Variants in PTPN12 observed in about 807,000 individuals in gnomAD.
PTPN12 encodes tyrosine-protein phosphatase non-receptor type 12.
In PTPN12, 29 loss-of-function variants were observed where a neutral mutation model predicts 97.6. The observed-to-expected ratio is 0.30, with a 90% CI of 0.22 to 0.41. The LOEUF is 0.41. PTPN12 is among the 10% of genes least tolerant of loss of function. The pLI is 1.00. For synonymous variants in PTPN12, 327 were observed against 300.4 expected (o/e 1.09, Z -0.91); for missense variants, 819 against 926.0 (o/e 0.88, Z 1.50).
At position 77,595,932 on chromosome 7, in the gene PTPN12, C is replaced by G. The variant is rs144577184; in HGVS notation, c.493-1910C>G. On this transcript the variant is annotated intron_variant, in intron 6 of 17. Coordinates refer to ENST00000248594, the MANE Select transcript of PTPN12 (RefSeq NM_002835.4). ...GAGACCTTTAAAGTGGTTATGTTAT[C>G]AACAACCACAATAATAATAATAATT... Among the ~76,000 whole-genome samples the G allele has an allele frequency of 1.7e-3, 259 of 152,240 alleles. 1 individual carries two copies. Among genetic ancestry groups the G allele is most frequent in the African/African-American group, 5.6e-3 (232 of 41,552 alleles).
At chr7:77,595,352 G>T (rs1451117934) in intron 6 of PTPN12, among the ~76,000 whole-genome samples, 1 of 152,186 alleles carries the variant, frequency 6.6e-6, no homozygotes, top group African/African-American at 2.4e-5. Context: ...CTACTTGGCA[G>T]TCAGAGTTTG....
At chr7:77,541,154 G>C (rs1241044945) in intron 1 of PTPN12, among the ~76,000 whole-genome samples, 1 of 152,156 alleles carries the variant, frequency 6.6e-6, no homozygotes, top group Non-Finnish European at 1.5e-5. Flanking sequence ...GCATGGTTGC[G>C]ATCCTGGCTC....
chr7:77,636,018 G>A (rs1789577559), intron 15 of PTPN12, among the ~76,000 whole-genome samples, 169 bp downstream of exon 15: 1 of 152,092 alleles, frequency 6.6e-6, no homozygotes, highest in African/African-American at 2.4e-5. Context: ...CATATAAAAG[G>A]TAGGTTCTGA....
At chr7:77,594,442 G>A (rs1300150002) in intron 6 of PTPN12, among the ~76,000 whole-genome samples, 1 of 152,114 alleles carries the variant, frequency 6.6e-6, no homozygotes, top group Non-Finnish European at 1.5e-5. Context: ...TAGATTCCTC[G>A]ACAGTGTAGA....
intron 8 of PTPN12, among the ~76,000 whole-genome samples, chr7:77,604,406 G>C (rs1367044164): frequency 6.6e-6 from 1 of 151,034 alleles, no homozygotes; most frequent in African/African-American, 2.4e-5. Context: ...GTAGAGTTGG[G>C]GATTCTCCAT....
chr7:77,567,408 C>G (rs1257579337), intron 1 of PTPN12, among the ~76,000 whole-genome samples: 1 of 152,116 alleles, frequency 6.6e-6, no homozygotes, highest in South Asian at 2.1e-4. Flanking sequence ...ATCAGAAACT[C>G]TGTAGGAGCT....
intron 6 of PTPN12, among the ~76,000 whole-genome samples, chr7:77,593,007 T>G (rs1787914516): frequency 6.6e-6 from 1 of 152,152 alleles, no homozygotes; most frequent in South Asian, 2.1e-4. Context: ...CAGTAGCTCA[T>G]GCCTGTATCC....
At chr7:77,594,793 C>T (rs771559996) in intron 6 of PTPN12, among the ~76,000 whole-genome samples, 6 of 152,120 alleles carry the variant, frequency 3.9e-5, no homozygotes, top group Admixed American at 6.6e-5. Flanking sequence ...CCACCACACC[C>T]GGCCAAACAT....
chr7:77,587,129 A>C (rs1338968621), intron 5 of PTPN12, among the ~76,000 whole-genome samples: 1 of 152,088 alleles, frequency 6.6e-6, no homozygotes, highest in Non-Finnish European at 1.5e-5. Flanking sequence ...TGCATCTAGA[A>C]TGCTGAATCC....
chr7:77,625,660 C>T (rs1166577310), intron 12 of PTPN12, among the ~76,000 whole-genome samples: 2 of 147,432 alleles, frequency 1.4e-5, no homozygotes, highest in Non-Finnish European at 3.0e-5. Context: ...ATCTCCACCT[C>T]CTGGGCTCAA....
At chr7:77,625,655 C>T (rs1789152523) in intron 12 of PTPN12, among the ~76,000 whole-genome samples, 1 of 141,898 alleles carries the variant, frequency 7.0e-6, no homozygotes, top group African/African-American at 2.6e-5. Context: ...CTGCCATCTC[C>T]ACCTCCTGGG....
At chr7:77,615,334 A>G (rs1381712426) in intron 11 of PTPN12, among the ~76,000 whole-genome samples, 1 of 152,108 alleles carries the variant, frequency 6.6e-6, no homozygotes. Flanking sequence ...TCTGCAGCTG[A>G]TAATATTCTT....
At chr7:77,569,552 C>T (rs1311795538) in intron 1 of PTPN12, among the ~76,000 whole-genome samples, 1 of 152,070 alleles carries the variant, frequency 6.6e-6, no homozygotes, top group African/African-American at 2.4e-5. Context: ...GGGTGGATCA[C>T]CTAAGGTCAG....
chr7:77,578,959 C>G (rs1438044699), intron 2 of PTPN12, among the ~76,000 whole-genome samples: 1 of 152,040 alleles, frequency 6.6e-6, no homozygotes, highest in Non-Finnish European at 1.5e-5. Flanking sequence ...ATCACAAGTA[C>G]TAAAGCATAT....
chr7:77,551,070 T>C (rs548308359), intron 1 of PTPN12, among the ~76,000 whole-genome samples: 1 of 152,258 alleles, frequency 6.6e-6, no homozygotes, highest in Admixed American at 6.5e-5. Flanking sequence ...TATTTTTCAT[T>C]TTGTTTTTGA....
chr7:77,575,161 C>T lies in PTPN12; in HGVS notation c.208+3975C>T, dbSNP rs188925564. Among the ~76,000 whole-genome samples, 159 of 152,022 alleles carry T rather than the reference C, an allele frequency of 1.0e-3. 1 individual carries two copies. The highest frequency in any genetic ancestry group is 3.7e-3 in the African/African-American group (154 of 41,448). ...GAAATTTATATTGAAAGTAATTGTA[C>T]TGAGAGATATGTGCTTATTTACTGT... On this transcript the variant is annotated intron_variant, in intron 2 of 17. Coordinates refer to ENST00000248594, the MANE Select transcript of PTPN12 (RefSeq NM_002835.4).
intron 1 of PTPN12, among the ~76,000 whole-genome samples, chr7:77,542,588 G>C (rs1807030773): frequency 6.6e-6 from 1 of 152,128 alleles, no homozygotes; most frequent in South Asian, 2.1e-4. Flanking sequence ...TAAGAAAGGA[G>C]TCTCAATGAT....
rs1221462441 is a variant in PTPN12 at position 77,607,275 on chromosome 7, T to C, written c.736T>C (p.Tyr246His). 1.2e-6 allele frequency: 2 copies of C among 1,612,176 alleles called. No individual in the cohort carries two copies. Among genetic ancestry groups the C allele is most frequent in the Admixed American group, 1.7e-5 (1 of 59,926 alleles). The part of the protein sequence containing the change: ...GRTGAICAID[Y>H]TWNLLKAGKI... ...AACAGGTGCCATTTGTGCCATAGAT[T>C]ATACGTGGAATTTACTAAAAGCTGG... is the stretch of plus-strand genomic sequence containing the variant. Residue 246 changes from tyrosine to histidine, a missense_variant, in exon 9 of 18, where the codon TAT becomes CAT. Physicochemically the swap from Tyr to His is moderately conservative, Grantham distance 83. Coordinates refer to ENST00000248594, the MANE Select transcript of PTPN12 (RefSeq NM_002835.4).
In PTPN12 at chr7:77,627,500, C is replaced by T. The variant is rs1255331742; in HGVS notation, c.1821C>T (p.Asp607=). ...ATCCACTTCACTCTGATGACTCAGACTCAGATGAAAGAAACTCTGATGGTG... is the reference window on the plus strand; with the variant it reads ...ATCCACTTCACTCTGATGACTCAGATTCAGATGAAAGAAACTCTGATGGTG... ...FTNPLHSDDS[D]SDERNSDGAV... is the part of the protein sequence containing the mutation. The change falls in exon 13 of 18, where the codon GAC becomes GAT. Residue 607 remains aspartate (D), a synonymous_variant. Coordinates refer to ENST00000248594, the MANE Select transcript of PTPN12 (RefSeq NM_002835.4). 1 of 1,613,896 alleles carries T rather than the reference C, an allele frequency of 6.2e-7. No individual in the cohort carries two copies.
Sources: allele counts gnomAD v4.1 joint callset (sites outside exome capture counted in the v4.1 genomes callset), GRCh38; gene constraint gnomAD v4.1.1; transcripts MANE v1.5; gene names NCBI Gene and HGNC (gene_info 2026-07-23, HGNC 2026-07-21).